Variants in SIAH3 observed in about 807,000 individuals in gnomAD.
SIAH3 encodes seven in absentia homolog 3.
A neutral mutation model predicts 12.6 loss-of-function variants in SIAH3; 9 were observed. The ratio of observed to expected loss-of-function variants is 0.72; its 90% CI spans 0.43 to 1.25. SIAH3 has a LOEUF of 1.25. Among genes scored for constraint, SIAH3 ranks in the 50% most tolerant of loss-of-function variants. SIAH3 has a pLI of 0.00. For synonymous variants in SIAH3, 154 were observed against 151.1 expected (o/e 1.02, Z -0.14); for missense variants, 390 against 365.4 (o/e 1.07, Z -0.55).
intron 1 of SIAH3, among the ~76,000 whole-genome samples, chr13:45,787,879 G>T (rs938605162): frequency 6.6e-6 from 1 of 152,180 alleles, no homozygotes; most frequent in African/African-American, 2.4e-5. Flanking sequence ...TCAGAATGGG[G>T]CCAGCAGCAA....
intron 1 of SIAH3, among the ~76,000 whole-genome samples, chr13:45,826,376 A>G (rs370692683): frequency 0.99 from 114,155 of 115,662 alleles, 56,371 homozygotes; most frequent in Non-Finnish European, 0.99. Flanking sequence ...TGGATGGATG[A>G]ATGAATGGAT....
chr13:45,807,464 A>G (rs1227802976), intron 1 of SIAH3, among the ~76,000 whole-genome samples: 1 of 152,232 alleles, frequency 6.6e-6, no homozygotes, highest in Non-Finnish European at 1.5e-5. Flanking sequence ...GATTGTTAGA[A>G]CAGCACAGAG....
intron 1 of SIAH3, among the ~76,000 whole-genome samples, chr13:45,799,422 T>C (rs537564717): frequency 2.0e-5 from 3 of 152,236 alleles, no homozygotes; most frequent in Admixed American, 1.3e-4. Context: ...AAGTATCATA[T>C]GGATGCAAAT....
chr13:45,823,069 C>T (rs868389369), intron 1 of SIAH3, among the ~76,000 whole-genome samples: 25 of 152,290 alleles, frequency 1.6e-4, no homozygotes, highest in Admixed American at 7.2e-4. Context: ...GCTGTTAGCT[C>T]TTATTTGAAC....
At chr13:45,843,032 C>G (rs866774212) in intron 1 of SIAH3, among the ~76,000 whole-genome samples, 2,312 of 126,874 alleles carry the variant, frequency 0.018, 66 homozygotes, top group African/African-American at 0.065. Context: ...CTCTCTCTCT[C>G]TCTGTGTGTG....
rs766432106 is a variant in SIAH3, at chr13:45,783,968, G to C, written c.225C>G (p.His75Gln). Residue 75 changes from histidine to glutamine, a missense_variant, in exon 2 of 2, where the codon CAC (histidine) becomes CAG (glutamine). His to Gln is a conservative substitution (Grantham distance 24, BLOSUM62 0). Coordinates refer to ENST00000400405, the MANE Select transcript of SIAH3 (RefSeq NM_198849.3). The stretch of plus-strand genomic sequence containing the variant: ...GGTGGCGGAGGTGGTGGTGGTGGCG[G>C]TGGTGGCAGTGGTGGTGGGAGAGAT... Reference protein sequence around the residue: ...PHHLSHHHCHHRHHHHLRHHA... With the variant: ...PHHLSHHHCHQRHHHHLRHHA... The C allele has an allele frequency of 6.2e-7, 1 of 1,604,104 alleles. No homozygotes were observed. The highest frequency in any genetic ancestry group is 1.7e-5 in the Admixed American group (1 of 59,570).
chr13:45,839,555 A>T (rs1964407), intron 1 of SIAH3, among the ~76,000 whole-genome samples: 6 of 152,136 alleles, frequency 3.9e-5, no homozygotes, highest in Non-Finnish European at 7.3e-5. Flanking sequence ...TTTTTAGGCC[A>T]GGTGCGGTGG....
chr13:45,800,344 T>C (rs1367807946), intron 1 of SIAH3, among the ~76,000 whole-genome samples: 1 of 152,246 alleles, frequency 6.6e-6, no homozygotes, highest in Non-Finnish European at 1.5e-5. Flanking sequence ...TGTAGCATAA[T>C]TGGTTTTATT....
chr13:45,784,270 G>A (rs1358574019), intron 1 of SIAH3, among the ~76,000 whole-genome samples: 1 of 152,088 alleles, frequency 6.6e-6, no homozygotes, highest in Non-Finnish European at 1.5e-5. Context: ...ATTCTGAAAA[G>A]TCAGTCCAAG....
rs376805762 is a variant in SIAH3, at chr13:45,812,661, A to AACAC, written c.136-28608_136-28605dup. On this transcript the variant is annotated intron_variant, in intron 1 of 1. Coordinates refer to ENST00000400405, the MANE Select transcript of SIAH3 (RefSeq NM_198849.3). ...GATGCATATGGGTGCATAAATATAT[A>AACAC]ACACACACACACAGACACACACACA... 3.3e-5 allele frequency among the ~76,000 whole-genome samples: 5 copies of AACAC among 151,984 alleles called. No homozygotes were observed. In the East Asian group the frequency reaches 7.7e-4, roughly 23 times the overall value.
At chr13:45,784,398 GTTTTTTTTT>G (rs35686357) in intron 1 of SIAH3, among the ~76,000 whole-genome samples, 2 of 65,802 alleles carry the variant, frequency 3.0e-5, no homozygotes, top group Admixed American at 1.8e-4. Context: ...AAAGACAGCT[GTTTTTTTTT>G]TTTTTTTTTT....
At chr13:45,805,090 T>C (rs868140844) in intron 1 of SIAH3, among the ~76,000 whole-genome samples, 1 of 151,444 alleles carries the variant, frequency 6.6e-6, no homozygotes, top group Non-Finnish European at 1.5e-5. Flanking sequence ...AAAGAAATCA[T>C]AGATGATACA....
chr13:45,821,007 AC>A (rs1950653834), intron 1 of SIAH3, among the ~76,000 whole-genome samples: 1 of 152,066 alleles, frequency 6.6e-6, no homozygotes, highest in Non-Finnish European at 1.5e-5. Context: ...ATATATGAGT[AC>A]CATTATGGGT....
At chr13:45,815,292 A>G (rs1181248933) in intron 1 of SIAH3, among the ~76,000 whole-genome samples, 1 of 151,922 alleles carries the variant, frequency 6.6e-6, no homozygotes, top group Admixed American at 6.6e-5. Flanking sequence ...ACTTTGAGTG[A>G]GGCAGATGGC....
Position 45,837,996 on chromosome 13 carries a change from A to G in SIAH3, c.135+13499T>C, listed in dbSNP as rs181969670. Among the ~76,000 whole-genome samples the G allele has an allele frequency of 4.6e-5, 7 of 152,252 alleles. No homozygotes were observed. In the East Asian group the frequency reaches 1.4e-3, roughly 29 times the overall value. ...TCGTTTCATTCTCTATTTTATGTCT[A>G]TTGTATTCACCACATCACCCCCCAT... On this transcript the variant is annotated intron_variant, in intron 1 of 1. Transcript: ENST00000400405.
At chr13:45,787,113 G>A (rs1262692297) in intron 1 of SIAH3, among the ~76,000 whole-genome samples, 1 of 151,984 alleles carries the variant, frequency 6.6e-6, no homozygotes, top group Non-Finnish European at 1.5e-5. Flanking sequence ...AGGGAGTCCA[G>A]CAGGTGCACT....
chr13:45,794,834 A>C (rs1202990896), intron 1 of SIAH3, among the ~76,000 whole-genome samples: 1 of 152,188 alleles, frequency 6.6e-6, no homozygotes, highest in East Asian at 1.9e-4. Flanking sequence ...CTGAGGTGTA[A>C]GCTAAGGAAA....
intron 1 of SIAH3, among the ~76,000 whole-genome samples, chr13:45,800,096 G>T (rs779246228): frequency 9.9e-5 from 15 of 152,148 alleles, no homozygotes; most frequent in Non-Finnish European, 1.2e-4. Context: ...AGCCTGCATA[G>T]TATAAAGAAA....
chr13:45,812,156 C>T (rs773682992), intron 1 of SIAH3, among the ~76,000 whole-genome samples: 8 of 152,230 alleles, frequency 5.3e-5, no homozygotes, highest in African/African-American at 9.7e-5. Context: ...GTGATGCCCA[C>T]GCTGCCTGAT....
Sources: gnomAD v4.1 joint callset for allele counts (sites outside exome capture counted in the v4.1 genomes callset) on GRCh38, gnomAD v4.1.1 for gene constraint, MANE v1.5 for transcripts, NCBI Gene and HGNC (gene_info 2026-07-23, HGNC 2026-07-21) for gene names.